The following TBC1D10A variants were observed in gnomAD, a reference collection of about 807,000 sequenced individuals.
The protein encoded by TBC1D10A is TBC1 domain family member 10A.
Under a neutral mutation model 52.9 loss-of-function variants are expected in TBC1D10A, and 24 were observed. The observed-to-expected ratio is 0.45, with a 90% CI of 0.33 to 0.64. The LOEUF (loss-of-function observed/expected upper bound fraction) is 0.64, where lower values mean the gene tolerates loss of function less well. Ranked by LOEUF, TBC1D10A falls within the 30% of genes least tolerant of loss-of-function variation. The pLI, the probability that TBC1D10A is intolerant of heterozygous loss-of-function variation, is 0.02. For synonymous variants in TBC1D10A, 278 were observed against 282.9 expected, an observed-to-expected ratio of 0.98 and a Z score of 0.17; for missense variants, 602 against 687.9, an observed-to-expected ratio of 0.88 and a Z score of 1.40.
intron 6 of TBC1D10A, 144 bp downstream of exon 6, chr22:30,294,652 C>T (rs1041897439): frequency 2.0e-6 from 2 of 977,706 alleles, no homozygotes; most frequent in African/African-American, 3.2e-5. Flanking sequence ...AGACCTAACC[C>T]TGGCAGGCCT....
At chr22:30,318,795 C>T in intron 1 of TBC1D10A, 1 of 451,652 alleles carries the variant, frequency 2.2e-6, no homozygotes, top group Non-Finnish European at 4.5e-6. Flanking sequence ...ACAGGTCTCA[C>T]TGCCTGCAAT....
intron 1 of TBC1D10A, among the ~76,000 whole-genome samples, chr22:30,313,785 G>A (rs1389143462): frequency 6.6e-6 from 1 of 151,762 alleles, no homozygotes; most frequent in East Asian, 1.9e-4. Flanking sequence ...AGTGAAAAGG[G>A]AATATGCTCC....
chr22:30,300,231 T>A lies in TBC1D10A; in HGVS notation c.310-680A>T, dbSNP rs139165418. On this transcript the variant is annotated intron_variant, in intron 2 of 8. Transcript: ENST00000215790. ...GGGGAGCCGAGAAGGGCAGATCACTTAAGGTCAGGAGTTCGAGACCAGCCT... is the reference window on the plus strand; with the variant it reads ...GGGGAGCCGAGAAGGGCAGATCACTAAAGGTCAGGAGTTCGAGACCAGCCT... Among the ~76,000 whole-genome samples, 1,372 of 151,818 alleles carry A rather than the reference T, an allele frequency of 9.0e-3. 12 individuals are homozygous for A. Among genetic ancestry groups the A allele is most frequent in the Middle Eastern group, 0.034 (10 of 294 alleles).
At chr22:30,322,276 C>G (rs983242180) in intron 1 of TBC1D10A, among the ~76,000 whole-genome samples, 1 of 152,088 alleles carries the variant, frequency 6.6e-6, no homozygotes, top group Non-Finnish European at 1.5e-5. Context: ...CCACTGCACC[C>G]GGCCCTTCCT....
Position 30,299,477 on chromosome 22 carries a change from C to T in TBC1D10A, c.384G>A (p.Lys128=). The T allele has an allele frequency of 1.2e-6, 2 of 1,614,178 alleles. No individual in the cohort carries two copies. Among genetic ancestry groups the T allele is most frequent in the Non-Finnish European group, 1.7e-6 (2 of 1,180,006 alleles). Reference sequence around the variant, plus strand: ...TTCCAGGGTTCTGCTGTAACTTCACCTTGCCTCCTGACAGGTACTGCCAAG... The same window carrying T: ...TTCCAGGGTTCTGCTGTAACTTCACTTTGCCTCCTGACAGGTACTGCCAAG... The part of the protein sequence containing the change: ...GRAWQYLSGG[K]VKLQQNPGKF... The change falls in exon 3 of 9, where the codon AAG becomes AAA. Residue 128 remains lysine (K), a synonymous_variant. Coordinates refer to ENST00000215790, the MANE Select transcript of TBC1D10A (RefSeq NM_031937.3).
chr22:30,308,184 T>C (rs1262930274), intron 1 of TBC1D10A, among the ~76,000 whole-genome samples: 1 of 152,228 alleles, frequency 6.6e-6, no homozygotes, highest in Non-Finnish European at 1.5e-5. Flanking sequence ...GAGCTGGGAC[T>C]CAAACCCAGG....
intron 2 of TBC1D10A, chr22:30,299,870 G>A: frequency 4.6e-6 from 1 of 215,812 alleles, no homozygotes; most frequent in South Asian, 6.0e-5. Flanking sequence ...GGGAGGCTAA[G>A]GCAGGAGAAT....
rs1930038262 is a variant in TBC1D10A at position 30,294,840 on chromosome 22, G to C, written c.661C>G (p.Gln221Glu). The C allele has an allele frequency of 6.2e-7, 1 of 1,614,150 alleles. No individual in the cohort carries two copies. The highest frequency in any genetic ancestry group is 8.5e-7 in the Non-Finnish European group (1 of 1,180,032). The change falls in exon 6 of 9, where the codon CAG becomes GAG. Residue 221 changes from glutamine to glutamate, a missense_variant. Gln to Glu is a conservative substitution (Grantham distance 29). Transcript: ENST00000215790. ...CCGGGCAGGTACTTCTCACAGATCT[G>C]TACCAGGCACCAGAAGGCTTGCTGT... The part of the protein sequence containing the change: ...PAEQAFWCLV[Q>E]ICEKYLPGYY...
chr22:30,326,795 GCCCTGGGCCAGGCTCTCCCGGGTT>G lies in TBC1D10A; in HGVS notation c.63_86del (p.Thr22_Gly29del). On this transcript the variant is annotated inframe_deletion, in exon 1 of 9. Coordinates refer to ENST00000215790, the MANE Select transcript of TBC1D10A (RefSeq NM_031937.3). Reference sequence around the variant, plus strand: ...GTTCGTCGGTGGTTGCGGCGTCGGGGCCCTGGGCCAGGCTCTCCCGGGTTCCCGACAGGCTTTCCCCGGCCGCGG... The same window carrying G: ...GTTCGTCGGTGGTTGCGGCGTCGGGGCCCGACAGGCTTTCCCCGGCCGCGG... 2 of 1,496,110 alleles carry G rather than the reference GCCCTGGGCCAGGCTCTCCCGGGTT, an allele frequency of 1.3e-6. No individual in the cohort carries two copies. The highest frequency in any genetic ancestry group is 1.8e-6 in the Non-Finnish European group (2 of 1,122,360). The allele number at this position is 1,496,110 out of a possible 1,614,324, so 92.7% of individuals were successfully genotyped here. A position where few individuals can be genotyped will look rare whatever the true frequency, so the allele number is the denominator to read the frequency against.
chr22:30,326,381 A>G (rs1023212843), intron 1 of TBC1D10A, among the ~76,000 whole-genome samples: 7 of 151,582 alleles, frequency 4.6e-5, no homozygotes, highest in African/African-American at 1.7e-4. Context: ...ATTCTGTTCC[A>G]CGGCTGGAAG....
intron 1 of TBC1D10A, among the ~76,000 whole-genome samples, chr22:30,319,677 G>A (rs1215502342): frequency 6.6e-6 from 1 of 152,166 alleles, no homozygotes; most frequent in Non-Finnish European, 1.5e-5. Context: ...CCTAGGTGGG[G>A]GCTTCTAAGC....
intron 1 of TBC1D10A, among the ~76,000 whole-genome samples, chr22:30,308,324 A>ATGCC (rs141019001): frequency 1.4e-5 from 2 of 147,764 alleles, no homozygotes; most frequent in African/African-American, 5.1e-5. Flanking sequence ...GCATGCCTGC[A>ATGCC]TGCCTGCATG....
chr22:30,318,479 G>T (rs1930583322), intron 1 of TBC1D10A, among the ~76,000 whole-genome samples: 1 of 152,184 alleles, frequency 6.6e-6, no homozygotes, highest in South Asian at 2.1e-4. Flanking sequence ...TGTGCCCGGG[G>T]CAAGCCAGCC....
chr22:30,315,932 G>A (rs1302010360), intron 1 of TBC1D10A, among the ~76,000 whole-genome samples: 1 of 152,138 alleles, frequency 6.6e-6, no homozygotes, highest in East Asian at 1.9e-4. Flanking sequence ...GCCACACAGT[G>A]GTCACCAACT....
chr22:30,294,206 C>G, intron 6 of TBC1D10A, 96 bp from the exon 7 acceptor site: 1 of 1,412,200 alleles, frequency 7.1e-7, no homozygotes, highest in Non-Finnish European at 9.7e-7. Flanking sequence ...ACCCAGCAGG[C>G]TCAGGCAGCT....
rs550878802 is a variant in TBC1D10A, at chr22:30,292,053, C to T, written c.*322G>A. 5 of 323,002 alleles carry T rather than the reference C, an allele frequency of 1.5e-5. No homozygotes were observed. In the South Asian group the frequency reaches 4.8e-4, roughly 31 times the overall value. The allele number at this position is 323,002 out of a possible 1,614,324, so 20.0% of individuals were successfully genotyped here. The stretch of plus-strand genomic sequence containing the variant: ...TTTCTATTTTACACAAAGAACACCC[C>T]ACCCTTTCCCCTCACACCAGCACCC... On this transcript the variant is annotated 3_prime_UTR_variant, in exon 9 of 9. Transcript: ENST00000215790.
At chr22:30,322,593 CTTTTTTTT>C (rs34874729) in intron 1 of TBC1D10A, among the ~76,000 whole-genome samples, 9 of 24,910 alleles carry the variant, frequency 3.6e-4, no homozygotes, top group African/African-American at 2.3e-3. Flanking sequence ...TCACTTTCAG[CTTTTTTTT>C]TTTTTTTTTT....
chr22:30,295,709 C>T (rs1569159204), intron 4 of TBC1D10A, 28 bp downstream of exon 4: 2 of 1,611,704 alleles, frequency 1.2e-6, no homozygotes, highest in Non-Finnish European at 8.5e-7. Flanking sequence ...AGAGCCACCT[C>T]CCACCTCATG....
At chr22:30,304,938 A>G (rs918916498) in intron 1 of TBC1D10A, among the ~76,000 whole-genome samples, 2 of 152,258 alleles carry the variant, frequency 1.3e-5, no homozygotes, top group Admixed American at 1.3e-4. Context: ...TGTGCAGCAA[A>G]GCAAAGCATT....
Sources: allele counts gnomAD v4.1 joint callset (sites outside exome capture counted in the v4.1 genomes callset), GRCh38; gene constraint gnomAD v4.1.1; transcripts MANE v1.5; gene names NCBI Gene and HGNC (gene_info 2026-07-23, HGNC 2026-07-21).